MDGA2: variants seen among roughly 807,000 people sequenced by gnomAD.
The protein encoded by MDGA2 is MAM domain containing glycosylphosphatidylinositol anchor 2, also known as MAM domain-containing glycosylphosphatidylinositol anchor protein 2.
Under a neutral mutation model 117.8 loss-of-function variants are expected in MDGA2, and 40 were observed. The observed-to-expected ratio is 0.34, with a 90% CI of 0.26 to 0.44. The LOEUF is 0.44. Among genes scored for constraint, MDGA2 ranks in the 20% least tolerant of loss-of-function variants. The pLI, the probability that MDGA2 is intolerant of heterozygous loss-of-function variation, is 1.00. For missense variants in MDGA2, 1,123 were observed against 1,250.6 expected, an observed-to-expected ratio of 0.90 and a Z score of 1.54; for synonymous variants, 452 against 439.0, an observed-to-expected ratio of 1.03 and a Z score of -0.37.
At chr14:47,238,323 T>C (rs10131225) in intron 2 of MDGA2, among the ~76,000 whole-genome samples, 33,446 of 151,940 alleles carry the variant, frequency 0.22, 4,390 homozygotes, top group East Asian at 0.45. Flanking sequence ...GGGCTGAGAT[T>C]GTGTAGATCT....
rs541577663 is a variant in MDGA2, at chr14:47,360,315, C to A, written c.281-58765G>T. Reference sequence around the variant, plus strand: ...GCGGTGAGCCAAGATCGTGCCATTGCACTCCAGCCTGGGCAACAGGAGTGA... The same window carrying A: ...GCGGTGAGCCAAGATCGTGCCATTGAACTCCAGCCTGGGCAACAGGAGTGA... On this transcript the variant is annotated intron_variant, in intron 1 of 16. Transcript: ENST00000399232. 2.0e-5 allele frequency among the ~76,000 whole-genome samples: 3 copies of A among 150,748 alleles called. No homozygotes were observed. The South Asian group carries it at 6.3e-4, about 31-fold the overall frequency.
At chr14:47,513,487 A>G (rs1337590463) in intron 1 of MDGA2, among the ~76,000 whole-genome samples, 1 of 152,076 alleles carries the variant, frequency 6.6e-6, no homozygotes, top group Non-Finnish European at 1.5e-5. Flanking sequence ...ATTCATCTGG[A>G]AGAATGAATG....
chr14:47,024,992 T>C (rs1888421364), intron 8 of MDGA2, among the ~76,000 whole-genome samples: 1 of 152,016 alleles, frequency 6.6e-6, no homozygotes, highest in South Asian at 2.1e-4. Flanking sequence ...AAAAGGCCTA[T>C]GAAGGAAGAA....
chr14:47,654,424 C>T (rs957722287), intron 1 of MDGA2, among the ~76,000 whole-genome samples: 7 of 151,998 alleles, frequency 4.6e-5, no homozygotes, highest in African/African-American at 1.7e-4. Flanking sequence ...GATTTTCCAC[C>T]ACCTCCTCTG....
chr14:46,983,018 G>A (rs912724109), intron 8 of MDGA2, among the ~76,000 whole-genome samples: 9 of 151,944 alleles, frequency 5.9e-5, no homozygotes, highest in Admixed American at 2.0e-4. Flanking sequence ...TAGCATGAAG[G>A]GTTGTTGAAT....
intron 1 of MDGA2, among the ~76,000 whole-genome samples, chr14:47,478,940 T>G (rs1893897702): frequency 6.6e-6 from 1 of 152,186 alleles, no homozygotes; most frequent in African/African-American, 2.4e-5. Context: ...CGTGGGCAAG[T>G]CAGATTTTGC....
At chr14:47,411,334 C>T (rs910650222) in intron 1 of MDGA2, among the ~76,000 whole-genome samples, 2 of 151,814 alleles carry the variant, frequency 1.3e-5, no homozygotes, top group Non-Finnish European at 2.9e-5. Flanking sequence ...GGAAAGAAAA[C>T]TAAGGCATGT....
intron 6 of MDGA2, among the ~76,000 whole-genome samples, chr14:47,071,854 T>A (rs1346532536): frequency 6.6e-6 from 1 of 152,114 alleles, no homozygotes; most frequent in Non-Finnish European, 1.5e-5. Context: ...AAGCAGCATT[T>A]TTACCCACTT....
intron 1 of MDGA2, among the ~76,000 whole-genome samples, chr14:47,625,249 G>T (rs548475732): frequency 6.6e-6 from 1 of 151,780 alleles, no homozygotes; most frequent in East Asian, 1.9e-4. Flanking sequence ...AAACTTCTTA[G>T]ATCTGCAGTG....
intron 9 of MDGA2, among the ~76,000 whole-genome samples, chr14:46,941,053 G>C (rs1439407730): frequency 6.6e-6 from 1 of 152,168 alleles, no homozygotes; most frequent in Non-Finnish European, 1.5e-5. Context: ...ATAACTAAAA[G>C]TTTTGAATTT....
chr14:47,250,785 AAGAAG>A (rs1405992736), intron 2 of MDGA2, among the ~76,000 whole-genome samples: 1 of 152,240 alleles, frequency 6.6e-6, no homozygotes, highest in Non-Finnish European at 1.5e-5. Context: ...GTTAAAAAAG[AAGAAG>A]AGAAGAAGAA....
At chr14:47,276,705 T>C (rs1259352870) in intron 2 of MDGA2, among the ~76,000 whole-genome samples, 2 of 152,206 alleles carry the variant, frequency 1.3e-5, no homozygotes, top group African/African-American at 4.8e-5. Context: ...ATGACTATTC[T>C]GTGCCCCAGA....
intron 1 of MDGA2, among the ~76,000 whole-genome samples, chr14:47,402,660 A>G (rs1014803628): frequency 6.6e-6 from 1 of 152,192 alleles, no homozygotes; most frequent in East Asian, 1.9e-4. Context: ...GTGTTTTTTT[A>G]AATTTTTGCA....
intron 2 of MDGA2, among the ~76,000 whole-genome samples, chr14:47,272,563 T>C (rs905726923): frequency 1.3e-5 from 2 of 152,164 alleles, no homozygotes; most frequent in Non-Finnish European, 2.9e-5. Context: ...TATCCAGGGT[T>C]AGAAGCAATC....
At chr14:47,578,031 A>G (rs1055336140) in intron 1 of MDGA2, among the ~76,000 whole-genome samples, 5 of 152,240 alleles carry the variant, frequency 3.3e-5, no homozygotes, top group African/African-American at 7.2e-5. Flanking sequence ...ATGTCCATCA[A>G]TGATAGACTG....
intron 8 of MDGA2, among the ~76,000 whole-genome samples, chr14:46,994,895 C>T (rs1887230331): frequency 6.6e-6 from 1 of 152,054 alleles, no homozygotes; most frequent in Non-Finnish European, 1.5e-5. Context: ...AGGATAGCTC[C>T]TTTAATCAGT....
At chr14:47,313,680 C>A (rs1889715181) in intron 1 of MDGA2, among the ~76,000 whole-genome samples, 1 of 152,076 alleles carries the variant, frequency 6.6e-6, no homozygotes, top group South Asian at 2.1e-4. Flanking sequence ...TTACATAATT[C>A]AATAATTTGT....
intron 1 of MDGA2, among the ~76,000 whole-genome samples, chr14:47,477,962 C>T (rs543253656): frequency 1.3e-5 from 2 of 152,318 alleles, no homozygotes; most frequent in African/African-American, 4.8e-5. Context: ...TCAGTTCAGA[C>T]CTTCTTATTC....
chr14:47,273,973 G>T (rs181277785), intron 2 of MDGA2, among the ~76,000 whole-genome samples: 154 of 152,184 alleles, frequency 1.0e-3, no homozygotes, highest in Non-Finnish European at 1.8e-3. Context: ...AAAGGAAAAT[G>T]AGCTCAAATT....
Sources: allele counts gnomAD v4.1 joint callset (sites outside exome capture counted in the v4.1 genomes callset), GRCh38; gene constraint gnomAD v4.1.1; transcripts MANE v1.5; gene names NCBI Gene and HGNC (gene_info 2026-07-23, HGNC 2026-07-21).